Variants in EPB41L4A observed in about 807,000 individuals in gnomAD.
EPB41L4A encodes band 4.1-like protein 4A.
A neutral mutation model predicts 108.6 loss-of-function variants in EPB41L4A; 100 were observed. That is an observed-to-expected ratio of 0.92 (90% confidence interval 0.78 to 1.09). The LOEUF is 1.09. Among genes scored for constraint, EPB41L4A ranks in the 50% least tolerant of loss-of-function variants. The probability of loss-of-function intolerance (pLI) is 0.00; values close to 1 mark genes in which losing one functional copy is unlikely to be tolerated. For missense variants in EPB41L4A, 1,030 were observed against 842.7 expected (o/e 1.22, Z -2.75); for synonymous variants, 319 against 289.0 (o/e 1.10, Z -1.05).
chr5:112,384,244 G>A (rs1211630557), intron 1 of EPB41L4A, among the ~76,000 whole-genome samples: 1 of 152,130 alleles, frequency 6.6e-6, no homozygotes, highest in African/African-American at 2.4e-5. Context: ...TGGGTAGACT[G>A]ATATGTGAAC....
chr5:112,271,362 C>A (rs1284461986), intron 4 of EPB41L4A, among the ~76,000 whole-genome samples: 2 of 152,156 alleles, frequency 1.3e-5, no homozygotes, highest in African/African-American at 4.8e-5. Context: ...ATGTCAGCTA[C>A]CTTTATCATT....
intron 9 of EPB41L4A, among the ~76,000 whole-genome samples, chr5:112,253,337 A>G (rs759355064): frequency 1.3e-5 from 2 of 152,170 alleles, no homozygotes; most frequent in African/African-American, 4.8e-5. Context: ...ATGAGGAAAC[A>G]GCTGAAAAAC....
chr5:112,241,775 C>A (rs1749799318), intron 9 of EPB41L4A, among the ~76,000 whole-genome samples: 1 of 152,118 alleles, frequency 6.6e-6, no homozygotes, highest in Non-Finnish European at 1.5e-5. Context: ...AACAACTGTA[C>A]AAGCATACCT....
chr5:112,351,560 T>C (rs1337066443), intron 1 of EPB41L4A, among the ~76,000 whole-genome samples: 1 of 152,088 alleles, frequency 6.6e-6, no homozygotes. Flanking sequence ...TAACACCAAT[T>C]CTAAAACTAT....
chr5:112,224,152 A>G (rs1370243777), intron 12 of EPB41L4A, among the ~76,000 whole-genome samples: 2 of 152,134 alleles, frequency 1.3e-5, no homozygotes, highest in Non-Finnish European at 2.9e-5. Flanking sequence ...GGGTTTCACC[A>G]CGTTGGCCAG....
At chr5:112,249,782 T>C (rs1750525353) in intron 9 of EPB41L4A, 1 of 152,204 alleles carries the variant, frequency 6.6e-6, no homozygotes, top group Non-Finnish European at 1.5e-5. Context: ...CACTAAGGTC[T>C]TGCGATATTG....
intron 1 of EPB41L4A, among the ~76,000 whole-genome samples, chr5:112,337,204 A>G (rs896639955): frequency 6.6e-6 from 1 of 152,156 alleles, no homozygotes; most frequent in Admixed American, 6.5e-5. Context: ...TCTGTAATTA[A>G]TGAGATATCT....
intron 1 of EPB41L4A, chr5:112,392,713 T>G (rs895865031): frequency 6.6e-6 from 1 of 152,168 alleles, no homozygotes; most frequent in Non-Finnish European, 1.5e-5. Flanking sequence ...TATCCAAGAA[T>G]TGAACTCACC....
intron 1 of EPB41L4A, among the ~76,000 whole-genome samples, chr5:112,374,630 T>C (rs1414709850): frequency 1.3e-5 from 2 of 152,208 alleles, no homozygotes; most frequent in East Asian, 3.8e-4. Flanking sequence ...CGCACACTCC[T>C]AGTGCTGGAG....
chr5:112,300,636 C>T (rs1010239025), intron 2 of EPB41L4A, among the ~76,000 whole-genome samples: 1 of 152,078 alleles, frequency 6.6e-6, no homozygotes, highest in East Asian at 1.9e-4. Context: ...AGGTAATGAT[C>T]TTTTTGCAAT....
intron 1 of EPB41L4A, among the ~76,000 whole-genome samples, chr5:112,370,807 C>T (rs1229789237): frequency 6.6e-6 from 1 of 152,134 alleles, no homozygotes; most frequent in Non-Finnish European, 1.5e-5. Context: ...CCCAGCTACT[C>T]AGGAGCCTGT....
chr5:112,204,740 C>A (rs944869856), intron 14 of EPB41L4A: 2 of 353,350 alleles, frequency 5.7e-6, no homozygotes, highest in East Asian at 9.3e-5. Flanking sequence ...AATGAACACA[C>A]ACAAATAACA....
intron 13 of EPB41L4A, among the ~76,000 whole-genome samples, chr5:112,208,556 A>G (rs1762579999): frequency 6.6e-6 from 1 of 152,142 alleles, no homozygotes; most frequent in African/African-American, 2.4e-5. Context: ...GATGGGAACA[A>G]TAGACACTGG....
intron 1 of EPB41L4A, among the ~76,000 whole-genome samples, chr5:112,354,360 T>C (rs914871495): frequency 1.3e-5 from 2 of 151,978 alleles, no homozygotes; most frequent in Non-Finnish European, 2.9e-5. Context: ...GTTGAGTGTA[T>C]GGACAAAGTA....
At chr5:112,203,715 G>A (rs1015721705) in intron 15 of EPB41L4A, among the ~76,000 whole-genome samples, 5 of 152,116 alleles carry the variant, frequency 3.3e-5, no homozygotes, top group African/African-American at 1.2e-4. Context: ...TGTCTTCTCA[G>A]GTAGAAACAC....
intron 2 of EPB41L4A, among the ~76,000 whole-genome samples, chr5:112,283,282 G>T (rs1160202315): frequency 6.6e-6 from 1 of 152,162 alleles, no homozygotes; most frequent in Non-Finnish European, 1.5e-5. Context: ...ATGGAAACCA[G>T]GGGTTACAGA....
intron 12 of EPB41L4A, among the ~76,000 whole-genome samples, chr5:112,227,784 G>C (rs1012461422): frequency 3.3e-5 from 5 of 152,176 alleles, no homozygotes; most frequent in African/African-American, 1.2e-4. Flanking sequence ...CTATTTCTTA[G>C]CAGCCCAGAG....
intron 1 of EPB41L4A, among the ~76,000 whole-genome samples, chr5:112,321,320 T>C (rs1279212688): frequency 6.6e-6 from 1 of 152,212 alleles, no homozygotes; most frequent in Non-Finnish European, 1.5e-5. Flanking sequence ...TCACCTTTCC[T>C]GCAGTAACAC....
At chr5:112,253,424 A>T (rs767660796) in intron 9 of EPB41L4A, among the ~76,000 whole-genome samples, 5 of 151,960 alleles carry the variant, frequency 3.3e-5, no homozygotes, top group African/African-American at 4.9e-5. Flanking sequence ...TATAAAAGAT[A>T]AAAAAATGCT....
Sources: allele counts gnomAD v4.1 joint callset (sites outside exome capture counted in the v4.1 genomes callset), GRCh38; gene constraint gnomAD v4.1.1; transcripts MANE v1.5; gene names NCBI Gene and HGNC (gene_info 2026-07-23, HGNC 2026-07-21).